The following WDR37 variants were observed in gnomAD, a reference collection of about 807,000 sequenced individuals.
WDR37 encodes WD repeat-containing protein 37.
In WDR37, 19 loss-of-function variants were observed where a neutral mutation model predicts 62.9. The observed-to-expected ratio is 0.30, with a 90% CI of 0.21 to 0.44. The LOEUF is 0.44. WDR37 is among the 20% of genes least tolerant of loss of function. The pLI, the probability that WDR37 is intolerant of heterozygous loss-of-function variation, is 1.00. For synonymous variants in WDR37, 250 were observed against 260.9 expected, an observed-to-expected ratio of 0.96 and a Z score of 0.40; for missense variants, 474 against 657.6, an observed-to-expected ratio of 0.72 and a Z score of 3.05.
intron 9 of WDR37, chr10:1,096,518 G>C (rs1834582538): frequency 4.3e-6 from 2 of 465,022 alleles, no homozygotes; most frequent in African/African-American, 3.9e-5. Context: ...CGTAAGAGCA[G>C]AGCCAGAGGG....
rs1433747308 is a variant in WDR37 at position 1,086,002 on chromosome 10, C to T, written c.533-284C>T. ...AAACTGTGATGGGAACGACCTCTGT[C>T]TGTCATTTTCCAGCATGATGCAGCC... is the stretch of plus-strand genomic sequence containing the variant. On this transcript the variant is annotated intron_variant, in intron 6 of 13. Transcript: ENST00000263150. Among the ~76,000 whole-genome samples the T allele has an allele frequency of 2.6e-5, 4 of 152,216 alleles. 1 individual carries two copies. In the South Asian group the frequency reaches 6.2e-4, roughly 24 times the overall value.
intron 12 of WDR37, 97 bp downstream of exon 12, chr10:1,124,449 C>A (rs1360826596): frequency 6.5e-7 from 1 of 1,530,768 alleles, no homozygotes; most frequent in Non-Finnish European, 8.9e-7. Flanking sequence ...ATTGATAGAA[C>A]CCCGGGAACA....
chr10:1,074,401 C>T (rs1833806109), intron 2 of WDR37: 2 of 1,301,856 alleles, frequency 1.5e-6, no homozygotes, highest in Middle Eastern at 2.1e-4. Context: ...AGCCGCACGG[C>T]CTCGTCCTCT....
rs921741440 is a variant in WDR37 at position 1,068,462 on chromosome 10, C to CA, written c.-40-3647dup. 2.1e-4 allele frequency among the ~76,000 whole-genome samples: 32 copies of CA among 151,944 alleles called. 1 individual carries two copies. The highest frequency in any genetic ancestry group is 8.3e-4 in the South Asian group (4 of 4,804). On this transcript the variant is annotated intron_variant, in intron 1 of 13. Transcript: ENST00000263150. ...ACAGCGAGACTCTGTCTCAAAAAAA[C>CA]AAAAAAACAAACAGTGTTTTACTGG...
In WDR37 at chr10:1,126,322, C is replaced by G. The variant is rs369469267; in HGVS notation, c.1353+1298C>G. On this transcript the variant is annotated intron_variant, in intron 13 of 13. Coordinates refer to ENST00000263150, the MANE Select transcript of WDR37 (RefSeq NM_014023.4). ...TCGGGAGGCTGAGGCAGGAGAATGG[C>G]GTGAACCCAGGAGGCGGAGCTTGCA... Among the ~76,000 whole-genome samples, 616 of 150,782 alleles carry G rather than the reference C, an allele frequency of 4.1e-3. 8 individuals are homozygous for G. The highest frequency in any genetic ancestry group is 0.014 in the African/African-American group (561 of 40,680).
At chr10:1,114,003 C>A (rs927882373) in intron 11 of WDR37, among the ~76,000 whole-genome samples, 43 of 120,062 alleles carry the variant, frequency 3.6e-4, no homozygotes, top group South Asian at 1.1e-3. Flanking sequence ...GTTGCCTAGG[C>A]TATAGTGCAG....
At chr10:1,085,881 A>G (rs529401734) in intron 6 of WDR37, among the ~76,000 whole-genome samples, 78 of 152,384 alleles carry the variant, frequency 5.1e-4, no homozygotes, top group African/African-American at 1.5e-3. Context: ...ATCCAAAGAC[A>G]TGCTTATCTC....
rs374254805 is a variant in WDR37 at position 1,124,255 on chromosome 10, G to A, written c.1141G>A (p.Val381Met). 7 of 1,614,076 alleles carry A rather than the reference G, an allele frequency of 4.3e-6. No homozygotes were observed. The highest frequency in any genetic ancestry group is 5.9e-6 in the Non-Finnish European group (7 of 1,180,050). ...TGCCGTGTTCACCGTGGGAGACAAC[G>A]TGGTTTCAGGCAGCGATGACCGCAC... The part of the protein sequence containing the change: ...TSAVFTVGDN[V>M]VSGSDDRTVK... The change falls in exon 12 of 14, where the codon GTG becomes ATG. Residue 381 changes from valine (V) to methionine (M), a missense_variant. Physicochemically the swap from Val to Met is conservative, Grantham distance 21. Coordinates refer to ENST00000263150, the MANE Select transcript of WDR37 (RefSeq NM_014023.4).
rs1051429533 is a variant in WDR37 at position 1,092,611 on chromosome 10, G to A, written c.605-841G>A. ...CTGACCTCGTGATCTGCCCGCCTCGGCCTCCCAAAGTGCTGGTATTACAGG... is the reference window on the plus strand; with the variant it reads ...CTGACCTCGTGATCTGCCCGCCTCGACCTCCCAAAGTGCTGGTATTACAGG... On this transcript the variant is annotated intron_variant, in intron 7 of 13. Transcript: ENST00000263150. 9.9e-5 allele frequency among the ~76,000 whole-genome samples: 15 copies of A among 151,612 alleles called. 1 individual carries two copies. Among genetic ancestry groups the A allele is most frequent in the Admixed American group, 8.6e-4 (13 of 15,202 alleles).
intron 9 of WDR37, among the ~76,000 whole-genome samples, chr10:1,101,126 C>A (rs1468292762): frequency 1.3e-5 from 2 of 152,220 alleles, no homozygotes; most frequent in African/African-American, 4.8e-5. Context: ...TTCTTCCCAC[C>A]CTGCTCCAGG....
chr10:1,064,839 G>T (rs1408946964), intron 1 of WDR37, among the ~76,000 whole-genome samples: 1 of 151,940 alleles, frequency 6.6e-6, no homozygotes, highest in East Asian at 1.9e-4. Context: ...TGATCTGCCC[G>T]CCTCGGCCTC....
Position 1,129,250 on chromosome 10 carries a change from A to C in WDR37, c.1391A>C (p.Glu464Ala). ...ATGGTATGCTGCTCGGCATGGAGTGAAGACCACCCCGTGTGCAATCTGTTC... is the reference window on the plus strand; with the variant it reads ...ATGGTATGCTGCTCGGCATGGAGTGCAGACCACCCCGTGTGCAATCTGTTC... ...RRMVCCSAWS[E>A]DHPVCNLFTC... The change falls in exon 14 of 14, where the codon GAA (glutamate) becomes GCA (alanine). Residue 464 changes from glutamate to alanine, a missense_variant. Physicochemically the swap from Glu to Ala is moderately radical, Grantham distance 107 (BLOSUM62 -1). Coordinates refer to ENST00000263150, the MANE Select transcript of WDR37 (RefSeq NM_014023.4). 1 of 1,614,152 alleles carries C rather than the reference A, an allele frequency of 6.2e-7. No individual in the cohort carries two copies. The highest frequency in any genetic ancestry group is 1.1e-5 in the South Asian group (1 of 91,082).
intron 2 of WDR37, among the ~76,000 whole-genome samples, chr10:1,077,225 T>A (rs370128566): frequency 6.6e-5 from 10 of 152,256 alleles, no homozygotes; most frequent in African/African-American, 2.2e-4. Context: ...GCTCAGGACC[T>A]GCTTACTTGC....
In WDR37 at chr10:1,126,153, C is replaced by T. The variant is rs563075230; in HGVS notation, c.1353+1129C>T. ...GGTCGCAGTGGCTGACGCCTGTAAT[C>T]GTAGCACTTTGGGAGGCTGAGGCGG... On this transcript the variant is annotated intron_variant, in intron 13 of 13. Coordinates refer to ENST00000263150, the MANE Select transcript of WDR37 (RefSeq NM_014023.4). Among the ~76,000 whole-genome samples the T allele has an allele frequency of 2.2e-4, 33 of 152,250 alleles. No individual in the cohort carries two copies. In the South Asian group the frequency reaches 5.2e-3, roughly 24 times the overall value.
chr10:1,063,457 G>T (rs1263373207), intron 1 of WDR37, among the ~76,000 whole-genome samples: 1 of 152,102 alleles, frequency 6.6e-6, no homozygotes, highest in African/African-American at 2.4e-5. Flanking sequence ...AGGAAACCCT[G>T]CAGCACCACC....
rs11250277 is a variant in WDR37, at chr10:1,126,660, C to T, written c.1353+1636C>T. Among the ~76,000 whole-genome samples the T allele has an allele frequency of 2.4e-4, 37 of 152,302 alleles. No homozygotes were observed. In the East Asian group the frequency reaches 4.6e-3, roughly 19 times the overall value. On this transcript the variant is annotated intron_variant, in intron 13 of 13. Transcript: ENST00000263150. The stretch of plus-strand genomic sequence containing the variant: ...CTTCTGTGGACACCAGCTCATGGCT[C>T]GTGGGCCGCAGCTGCTCTGCACGGG...
intron 13 of WDR37, among the ~76,000 whole-genome samples, chr10:1,125,697 G>A (rs1835720288): frequency 6.6e-6 from 1 of 152,206 alleles, no homozygotes; most frequent in Admixed American, 6.5e-5. Context: ...GGGCATTGTG[G>A]CCAGGCAGAA....
At chr10:1,129,016 CCCATGCACGGTGGTCCATGATCTGTGGT>C (rs1254038501) in intron 13 of WDR37, among the ~76,000 whole-genome samples, 169 bp from the exon 14 acceptor site, 1 of 144,714 alleles carries the variant, frequency 6.9e-6, no homozygotes, top group South Asian at 2.2e-4. Flanking sequence ...TGATCTGTGG[CCCATGCACGGTGGTCCATGATCTGTGGT>C]CCATGCTTGG....
rs998021879 is a variant in WDR37 at position 1,130,489 on chromosome 10, C to T, written c.*1145C>T. 6 of 152,618 alleles carry T rather than the reference C, an allele frequency of 3.9e-5. No individual in the cohort carries two copies. Among genetic ancestry groups the T allele is most frequent in the Non-Finnish European group, 5.9e-5 (4 of 68,060 alleles). 9.5% of individuals were successfully genotyped at this position (152,618 alleles called of 1,614,324 possible). The stretch of plus-strand genomic sequence containing the variant: ...TGGGGACGCCTCTCAGTGCCAGTCC[C>T]GCCACTGCTGAGTGAGCCTGGTGTT... On this transcript the variant is annotated 3_prime_UTR_variant, in exon 14 of 14. Transcript: ENST00000263150.
Sources: gnomAD v4.1 joint callset for allele counts (sites outside exome capture counted in the v4.1 genomes callset) on GRCh38, gnomAD v4.1.1 for gene constraint, MANE v1.5 for transcripts, NCBI Gene and HGNC (gene_info 2026-07-23, HGNC 2026-07-21) for gene names.